Variants in EYS observed in about 807,000 individuals in gnomAD.
EYS encodes the protein protein eyes shut homolog.
EYS carries 250 observed loss-of-function variants against 282.1 expected under a neutral mutation model. That is an observed-to-expected ratio of 0.89 (90% CI 0.80 to 0.98). The LOEUF is 0.98. Ranked by LOEUF, EYS falls within the 50% of genes least tolerant of loss-of-function variation. The pLI is 0.00. For missense variants in EYS, 4,016 were observed against 3,709.0 expected, an observed-to-expected ratio of 1.08 and a Z score of -2.15; for synonymous variants, 1,355 against 1,282.9, an observed-to-expected ratio of 1.06 and a Z score of -1.20.
At chr6:65,416,727 G>A (rs528775147) in intron 5 of EYS, among the ~76,000 whole-genome samples, 3 of 152,016 alleles carry the variant, frequency 2.0e-5, no homozygotes, top group African/African-American at 4.8e-5. Flanking sequence ...GCAGTTAGTT[G>A]AGTATTTTAT....
rs576763742 is a variant in EYS, at chr6:64,611,890, G to A, written c.3684+5528C>T. Among the ~76,000 whole-genome samples the A allele has an allele frequency of 1.5e-4, 23 of 152,154 alleles. No homozygotes were observed. The East Asian group carries it at 2.1e-3, about 14-fold the overall frequency. On this transcript the variant is annotated intron_variant, in intron 24 of 42. Transcript: ENST00000503581. The stretch of plus-strand genomic sequence containing the variant: ...AAATATCTACTTAAAAGAGCATTAC[G>A]AGTTTGTCTAAAATGGCATCTTTGC...
At chr6:64,144,355 G>T (rs754845531) in intron 31 of EYS, among the ~76,000 whole-genome samples, 1 of 152,146 alleles carries the variant, frequency 6.6e-6, no homozygotes, top group Non-Finnish European at 1.5e-5. Context: ...TATTTAACAT[G>T]TTCTTTAGCC....
At chr6:64,710,740 G>A (rs549860816) in intron 22 of EYS, among the ~76,000 whole-genome samples, 2 of 152,354 alleles carry the variant, frequency 1.3e-5, no homozygotes, top group African/African-American at 2.4e-5. Flanking sequence ...AAGCTCACTT[G>A]CTCAAAGAGT....
intron 26 of EYS, among the ~76,000 whole-genome samples, chr6:64,571,275 T>G (rs1271614837): frequency 6.6e-6 from 1 of 150,518 alleles, no homozygotes; most frequent in Non-Finnish European, 1.5e-5. Context: ...GGGACACTCC[T>G]TAGTGTTTAG....
At chr6:64,673,680 T>C (rs1769547381) in intron 22 of EYS, among the ~76,000 whole-genome samples, 1 of 152,108 alleles carries the variant, frequency 6.6e-6, no homozygotes, top group African/African-American at 2.4e-5. Context: ...TGATATTTTC[T>C]GCTAAATTCA....
At chr6:65,544,606 C>T (rs1768314228) in intron 2 of EYS, among the ~76,000 whole-genome samples, 1 of 152,140 alleles carries the variant, frequency 6.6e-6, no homozygotes, top group East Asian at 1.9e-4. Flanking sequence ...GAAGCTTCCC[C>T]AGCCCTGAAG....
intron 9 of EYS, among the ~76,000 whole-genome samples, chr6:65,350,261 AT>A (rs1262390541): frequency 6.6e-6 from 1 of 151,518 alleles, no homozygotes; most frequent in South Asian, 2.1e-4. Context: ...AGAAAAATAG[AT>A]TTTGATAAAG....
At chr6:64,892,135 G>A (rs1209670821) in intron 18 of EYS, among the ~76,000 whole-genome samples, 1 of 151,594 alleles carries the variant, frequency 6.6e-6, no homozygotes, top group East Asian at 1.9e-4. Context: ...ATAAAAAGAT[G>A]GAAAAATACA....
Position 65,453,207 on chromosome 6 carries a change from T to C in EYS, c.862+37387A>G, listed in dbSNP as rs568656332. On this transcript the variant is annotated intron_variant, in intron 5 of 42. Coordinates refer to ENST00000503581, the MANE Select transcript of EYS (RefSeq NM_001142800.2). Reference sequence around the variant, plus strand: ...TTTAACTATTTATGTATTTAACTTCTATACTGTTTTCAAGCAAACTGTACT... The same window carrying C: ...TTTAACTATTTATGTATTTAACTTCCATACTGTTTTCAAGCAAACTGTACT... Among the ~76,000 whole-genome samples the C allele has an allele frequency of 9.9e-5, 15 of 152,168 alleles. No individual in the cohort carries two copies. The South Asian group carries it at 3.1e-3, about 32-fold the overall frequency.
intron 2 of EYS, among the ~76,000 whole-genome samples, chr6:65,610,045 C>G (rs1392646459): frequency 6.6e-6 from 1 of 151,988 alleles, no homozygotes. Context: ...ACTACAGGTG[C>G]ATGCCACCAC....
chr6:64,479,752 A>G (rs1776379824), intron 26 of EYS, among the ~76,000 whole-genome samples: 1 of 151,966 alleles, frequency 6.6e-6, no homozygotes, highest in Admixed American at 6.6e-5. Context: ...ATTTCTGTAG[A>G]TGCTGAATTT....
Position 65,296,257 on chromosome 6 carries a change from A to G in EYS, c.1767-138T>C, listed in dbSNP as rs1768662835. 5 of 924,278 alleles carry G rather than the reference A, an allele frequency of 5.4e-6. No individual in the cohort carries two copies. In the South Asian group the frequency reaches 1.0e-4, roughly 19 times the overall value. The allele number at this position is 924,278 out of a possible 1,614,324, so 57.3% of individuals were successfully genotyped here. A position where few individuals can be genotyped will look rare whatever the true frequency, so the allele number is the denominator to read the frequency against. On this transcript the variant is annotated intron_variant, in intron 11 of 42. Transcript: ENST00000503581. ...TAGTTGTGGGGTGCATTTAAAAAAT[A>G]TTTTCATAAAGTGTCCATTCTTGGC...
intron 31 of EYS, among the ~76,000 whole-genome samples, chr6:64,202,473 A>G (rs1765487798): frequency 6.6e-6 from 1 of 152,226 alleles, no homozygotes; most frequent in Admixed American, 6.5e-5. Context: ...AATAAATAAA[A>G]CTTATTTCAG....
chr6:64,894,710 A>G (rs1442374267), intron 18 of EYS, among the ~76,000 whole-genome samples: 6 of 152,102 alleles, frequency 3.9e-5, no homozygotes. Context: ...ATTTACCAGT[A>G]TGACTGTTCT....
At chr6:64,601,758 A>G (rs982627228) in intron 24 of EYS, among the ~76,000 whole-genome samples, 8 of 152,088 alleles carry the variant, frequency 5.3e-5, no homozygotes, top group African/African-American at 1.9e-4. Context: ...TTGCACTTGA[A>G]TAAAATTCAA....
chr6:65,421,319 G>T (rs1251194800), intron 5 of EYS, among the ~76,000 whole-genome samples: 1 of 151,676 alleles, frequency 6.6e-6, no homozygotes, highest in Non-Finnish European at 1.5e-5. Flanking sequence ...AATTTCATGA[G>T]TCTATCTCTG....
intron 26 of EYS, among the ~76,000 whole-genome samples, chr6:64,572,961 G>A (rs998223273): frequency 6.6e-6 from 1 of 152,060 alleles, no homozygotes; most frequent in East Asian, 1.9e-4. Flanking sequence ...AGCCTGTATA[G>A]CCAAGACAAT....
chr6:64,147,498 T>G (rs1208793703), intron 31 of EYS, among the ~76,000 whole-genome samples: 1 of 152,176 alleles, frequency 6.6e-6, no homozygotes, highest in African/African-American at 2.4e-5. Context: ...CCTTACTCCA[T>G]GCCAGGCACT....
chr6:64,642,069 T>G (rs1267532829), intron 22 of EYS, among the ~76,000 whole-genome samples: 1 of 152,140 alleles, frequency 6.6e-6, no homozygotes, highest in Non-Finnish European at 1.5e-5. Context: ...GGAAATAACA[T>G]GAAGACAGAA....
Sources: allele counts gnomAD v4.1 joint callset (sites outside exome capture counted in the v4.1 genomes callset), GRCh38; gene constraint gnomAD v4.1.1; transcripts MANE v1.5; gene names NCBI Gene and HGNC (gene_info 2026-07-23, HGNC 2026-07-21).